WWOX: variants seen among roughly 807,000 people sequenced by gnomAD.
WWOX encodes WW domain containing oxidoreductase, also known as WW domain-containing oxidoreductase.
In WWOX, 69 loss-of-function variants were observed where a neutral mutation model predicts 46.2. The ratio of observed to expected loss-of-function variants is 1.49; its 90% CI spans 1.23 to 1.82. The LOEUF (loss-of-function observed/expected upper bound fraction) is 1.82, where lower values mean the gene tolerates loss of function less well. WWOX is among the 40% of genes most tolerant of loss of function. The pLI, the probability that WWOX is intolerant of heterozygous loss-of-function variation, is 0.00. For synonymous variants in WWOX, 359 were observed against 202.6 expected (o/e 1.77, Z -6.56); for missense variants, 919 against 542.6 (o/e 1.69, Z -6.89).
At chr16:78,763,811 T>C (rs757403881) in intron 8 of WWOX, among the ~76,000 whole-genome samples, 14 of 152,240 alleles carry the variant, frequency 9.2e-5, no homozygotes, top group Admixed American at 6.5e-5. Flanking sequence ...AGCCGAAGCA[T>C]AATTGTCAGC....
intron 5 of WWOX, among the ~76,000 whole-genome samples, chr16:78,324,710 C>A (rs534132154): frequency 1.3e-5 from 2 of 150,048 alleles, no homozygotes; most frequent in South Asian, 4.3e-4. Flanking sequence ...TGGTGAGATT[C>A]CGTTCTGTGA....
Position 78,099,705 on chromosome 16 carries a change from G to C in WWOX, c.-74G>C, listed in dbSNP as rs1178619171. ...CCCCGACGCGCGCGGGTCTCGTTTG[G>C]AGCGGGAGTGAGTTCCTGAGCGAGT... On this transcript the variant is annotated 5_prime_UTR_variant, in exon 1 of 9. Coordinates refer to ENST00000566780, the MANE Select transcript of WWOX (RefSeq NM_016373.4). The C allele has an allele frequency of 6.8e-7, 1 of 1,477,536 alleles. No individual in the cohort carries two copies. Among genetic ancestry groups the C allele is most frequent in the Non-Finnish European group, 9.0e-7 (1 of 1,114,294 alleles). 91.5% of individuals were successfully genotyped at this position (1,477,536 alleles called of 1,614,324 possible). A position where few individuals can be genotyped will look rare whatever the true frequency, so the allele number is the denominator to read the frequency against.
chr16:78,898,388 G>C (rs1567634807), intron 8 of WWOX: 1 of 151,994 alleles, frequency 6.6e-6, no homozygotes, highest in Non-Finnish European at 1.5e-5. Context: ...AGCACTATTT[G>C]TTCAAAGACT....
At chr16:78,867,758 T>C (rs1472675350) in intron 8 of WWOX, among the ~76,000 whole-genome samples, 1 of 152,108 alleles carries the variant, frequency 6.6e-6, no homozygotes, top group Non-Finnish European at 1.5e-5. Context: ...AGCTGTAAAT[T>C]GTGGAACTAA....
intron 5 of WWOX, among the ~76,000 whole-genome samples, chr16:78,334,100 C>T (rs995377615): frequency 1.8e-4 from 28 of 152,120 alleles, no homozygotes; most frequent in African/African-American, 5.8e-4. Context: ...ATTTGATTCC[C>T]CCTTTACTCA....
intron 5 of WWOX, among the ~76,000 whole-genome samples, chr16:78,175,640 G>A (rs1232852298): frequency 6.6e-6 from 1 of 152,152 alleles, no homozygotes; most frequent in Non-Finnish European, 1.5e-5. Context: ...CTCCAGCCCA[G>A]TCAAGCCTTC....
At chr16:78,503,079 T>C (rs1467961602) in intron 8 of WWOX, among the ~76,000 whole-genome samples, 4 of 152,214 alleles carry the variant, frequency 2.6e-5, no homozygotes, top group African/African-American at 9.6e-5. Flanking sequence ...TTGCCTTTCA[T>C]ATGTTGCTGA....
At chr16:78,193,854 T>TTTA (rs1403163313) in intron 5 of WWOX, among the ~76,000 whole-genome samples, 29 of 150,224 alleles carry the variant, frequency 1.9e-4, no homozygotes, top group Non-Finnish European at 3.7e-4. Context: ...ATTTTTTATT[T>TTTA]TTATTATTAT....
intron 8 of WWOX, among the ~76,000 whole-genome samples, chr16:78,943,460 C>A (rs1056260357): frequency 6.6e-6 from 1 of 152,156 alleles, no homozygotes; most frequent in Non-Finnish European, 1.5e-5. Flanking sequence ...ACAGGGAGGA[C>A]CCAGGCACAT....
intron 8 of WWOX, among the ~76,000 whole-genome samples, chr16:78,688,214 A>T (rs1364230882): frequency 6.6e-6 from 1 of 151,846 alleles, no homozygotes; most frequent in African/African-American, 2.4e-5. Flanking sequence ...AGATGTCCAA[A>T]TGTTTTGAAA....
At chr16:78,908,612 T>G (rs1304044714) in intron 8 of WWOX, among the ~76,000 whole-genome samples, 1 of 151,814 alleles carries the variant, frequency 6.6e-6, no homozygotes, top group Non-Finnish European at 1.5e-5. Context: ...ATTACTCAAA[T>G]AAGTCTCCCC....
chr16:78,909,087 T>A (rs1454081001), intron 8 of WWOX, among the ~76,000 whole-genome samples: 1 of 152,228 alleles, frequency 6.6e-6, no homozygotes, highest in African/African-American at 2.4e-5. Flanking sequence ...AGTTAGTTAG[T>A]CCTACAACCA....
intron 8 of WWOX, among the ~76,000 whole-genome samples, chr16:78,657,075 T>G (rs992703742): frequency 1.3e-5 from 2 of 152,156 alleles, no homozygotes; most frequent in Non-Finnish European, 2.9e-5. Flanking sequence ...AATTGAGTGG[T>G]GCCATCATTC....
intron 8 of WWOX, among the ~76,000 whole-genome samples, chr16:79,171,197 C>G (rs1025370674): frequency 5.9e-5 from 9 of 152,174 alleles, no homozygotes; most frequent in Non-Finnish European, 4.4e-5. Context: ...ATAATTACAA[C>G]ATAGGGACAC....
At chr16:79,095,966 C>T (rs560550092) in intron 8 of WWOX, among the ~76,000 whole-genome samples, 3 of 149,834 alleles carry the variant, frequency 2.0e-5, no homozygotes, top group African/African-American at 7.4e-5. Context: ...TTTCCCACCT[C>T]AGCCTCCCTA....
chr16:78,772,842 G>C (rs570169881), intron 8 of WWOX, among the ~76,000 whole-genome samples: 6 of 152,078 alleles, frequency 3.9e-5, no homozygotes, highest in African/African-American at 1.4e-4. Context: ...AACATAGCGT[G>C]AACTTGTATC....
intron 8 of WWOX, among the ~76,000 whole-genome samples, chr16:78,470,968 C>G (rs769502236): frequency 1.3e-4 from 20 of 152,194 alleles, no homozygotes; most frequent in Non-Finnish European, 2.5e-4. Flanking sequence ...TTCTAGCCAT[C>G]AAGTAAAATC....
chr16:79,011,606 C>G (rs1247975089), intron 8 of WWOX, among the ~76,000 whole-genome samples: 2 of 151,622 alleles, frequency 1.3e-5, no homozygotes, highest in African/African-American at 2.4e-5. Flanking sequence ...GATCCTCCCA[C>G]TTCAGCCTCC....
chr16:78,670,680 T>G (rs2047439815), intron 8 of WWOX, among the ~76,000 whole-genome samples: 1 of 151,988 alleles, frequency 6.6e-6, no homozygotes, highest in African/African-American at 2.4e-5. Context: ...AAAAAAAAAT[T>G]TTTATTTAAA....
Sources: gnomAD v4.1 joint callset for allele counts (sites outside exome capture counted in the v4.1 genomes callset) on GRCh38, gnomAD v4.1.1 for gene constraint, MANE v1.5 for transcripts, NCBI Gene and HGNC (gene_info 2026-07-23, HGNC 2026-07-21) for gene names.